ZKSCAN2: variants seen among roughly 807,000 people sequenced by gnomAD.
ZKSCAN2 encodes zinc finger protein with KRAB and SCAN domains 2.
In ZKSCAN2, 38 loss-of-function variants were observed where a neutral mutation model predicts 90.5. The observed-to-expected ratio is 0.42, with a 90% CI of 0.32 to 0.55. The LOEUF (loss-of-function observed/expected upper bound fraction) is 0.55. Among genes scored for constraint, ZKSCAN2 ranks in the 20% least tolerant of loss-of-function variants. ZKSCAN2 has a pLI of 0.11. For synonymous variants in ZKSCAN2, 429 were observed against 421.6 expected (o/e 1.02, Z -0.22); for missense variants, 1,167 against 1,202.6 (o/e 0.97, Z 0.44).
At chr16:25,248,132 A>G (rs1203375247) in intron 4 of ZKSCAN2, among the ~76,000 whole-genome samples, 1 of 152,112 alleles carries the variant, frequency 6.6e-6, no homozygotes, top group Non-Finnish European at 1.5e-5. Flanking sequence ...TAAGACCTGA[A>G]ACCATAAATC....
intron 2 of ZKSCAN2, among the ~76,000 whole-genome samples, chr16:25,254,990 G>T (rs771657683): frequency 4.0e-5 from 6 of 150,640 alleles, no homozygotes; most frequent in Non-Finnish European, 5.9e-5. Context: ...ATTTTGTAGA[G>T]ACTGGGTTTT....
In ZKSCAN2 at chr16:25,242,255, G is replaced by A. The variant is rs770175648; in HGVS notation, c.1982-1517C>T. Among the ~76,000 whole-genome samples the A allele has an allele frequency of 1.5e-3, 233 of 152,324 alleles. 3 individuals carry two copies. Among genetic ancestry groups the A allele is most frequent in the Non-Finnish European group, 5.9e-4 (40 of 68,040 alleles). ...CAACCTAGGAGTTGGCTCAGAGAAA[G>A]CTTGATAATTTGATGATAGGTTTGG... On this transcript the variant is annotated intron_variant, in intron 6 of 6. Transcript: ENST00000328086.
In ZKSCAN2 at chr16:25,256,642, G is replaced by C. The variant is rs895814663; in HGVS notation, c.399+87C>G. 2.1e-6 allele frequency: 3 copies of C among 1,423,890 alleles called. No individual in the cohort carries two copies. In the African/African-American group the frequency reaches 4.3e-5, roughly 20 times the overall value. 88.2% of individuals were successfully genotyped at this position (1,423,890 alleles called of 1,614,324 possible). On this transcript the variant is annotated intron_variant, in intron 1 of 6. Transcript: ENST00000328086. The stretch of plus-strand genomic sequence containing the variant: ...AGTACCATTTATCTTTCTCTGAAGA[G>C]CACGTCTTTCTGCAATACATCCCTG...
In ZKSCAN2 at chr16:25,236,687, G is replaced by T. The variant is rs1597636143; in HGVS notation, c.*3129C>A. ...CCAGGCTGCCCTGAGCCATTTACGTGTGAGGTTTCCCTTTTTAAAAAACTG... is the reference window on the plus strand; with the variant it reads ...CCAGGCTGCCCTGAGCCATTTACGTTTGAGGTTTCCCTTTTTAAAAAACTG... On this transcript the variant is annotated 3_prime_UTR_variant, in exon 7 of 7. Coordinates refer to ENST00000328086, the MANE Select transcript of ZKSCAN2 (RefSeq NM_001012981.5). 6.6e-6 allele frequency: 1 copy of T among 152,326 alleles called. No individual in the cohort carries two copies. Among genetic ancestry groups the T allele is most frequent in the Non-Finnish European group, 1.5e-5 (1 of 68,022 alleles). The allele number at this position is 152,326 out of a possible 1,614,324, so 9.4% of individuals were successfully genotyped here. A position where few individuals can be genotyped will look rare whatever the true frequency, so the allele number is the denominator to read the frequency against.
chr16:25,256,620 A>T lies in ZKSCAN2; in HGVS notation c.399+109T>A. On this transcript the variant is annotated intron_variant, in intron 1 of 6. Transcript: ENST00000328086. ...CCCCCTTATAGGGTCTTTTATTAGT[A>T]CCATTTATCTTTCTCTGAAGAGCAC... 3 of 1,260,666 alleles carry T rather than the reference A, an allele frequency of 2.4e-6. No homozygotes were observed. The South Asian group carries it at 4.4e-5, about 19-fold the overall frequency. The allele number at this position is 1,260,666 out of a possible 1,614,324, so 78.1% of individuals were successfully genotyped here. A position where few individuals can be genotyped will look rare whatever the true frequency, so the allele number is the denominator to read the frequency against.
Position 25,240,072 on chromosome 16 carries a change from C to T in ZKSCAN2, c.2648G>A (p.Gly883Glu). The T allele has an allele frequency of 6.2e-7, 1 of 1,613,978 alleles. No homozygotes were observed. Among genetic ancestry groups the T allele is most frequent in the Non-Finnish European group, 8.5e-7 (1 of 1,179,998 alleles). The change falls in exon 7 of 7, where the codon GGG (glycine) becomes GAG (glutamate). Residue 883 changes from glycine (G) to glutamate (E), a missense_variant. Transcript: ENST00000328086. ...HFSAHRRVHT[G>E]ENPYKCVDCE... ...GTCCACACATTTGTAGGGATTCTCC[C>T]CAGTGTGAACTCTCCGGTGGGCGCT...
chr16:25,255,085 A>G, intron 2 of ZKSCAN2, 121 bp downstream of exon 2: 1 of 1,023,038 alleles, frequency 9.8e-7, no homozygotes, highest in South Asian at 2.0e-5. Flanking sequence ...AGTGAATGAA[A>G]CCTTTCTCCT....
In ZKSCAN2 at chr16:25,255,325, T is replaced by C. The variant is rs1177571113; in HGVS notation, c.467A>G (p.Gln156Arg). 6.2e-7 allele frequency: 1 copy of C among 1,613,774 alleles called. No homozygotes were observed. Among genetic ancestry groups the C allele is most frequent in the African/African-American group, 1.3e-5 (1 of 75,044 alleles). Residue 156 changes from glutamine (Q) to arginine (R), a missense_variant, in exon 2 of 7, where the codon CAG (glutamine) becomes CGG (arginine). Transcript: ENST00000328086. ...LGAAWEVADF[Q>R]PEQVETQPRA... is the part of the protein sequence containing the mutation. The stretch of plus-strand genomic sequence containing the variant: ...GGGTTGGGTCTCCACCTGCTCTGGC[T>C]GGAAGTCTGCCACCTCCCACGCTGC...
chr16:25,252,929 AG>A lies in ZKSCAN2; in HGVS notation c.678+16del. 1 of 1,603,698 alleles carries A rather than the reference AG, an allele frequency of 6.2e-7. No individual in the cohort carries two copies. The highest frequency in any genetic ancestry group is 8.5e-7 in the Non-Finnish European group (1 of 1,170,698). On this transcript the variant is annotated intron_variant, in intron 3 of 6. Coordinates refer to ENST00000328086, the MANE Select transcript of ZKSCAN2 (RefSeq NM_001012981.5). ...TGAGACTCCATCTCAAAGAAAAAAA[AG>A]ACAATTACAATGTACCTGGGACCCA...
In ZKSCAN2 at chr16:25,257,044, C is replaced by T; in HGVS notation, c.84G>A (p.Glu28=). The change falls in exon 1 of 7, where the codon GAG becomes GAA. Residue 28 remains glutamate, a synonymous_variant. Coordinates refer to ENST00000328086, the MANE Select transcript of ZKSCAN2 (RefSeq NM_001012981.5). ...CTTCCAGAATGGGCTCTGATGCCCA[C>T]TCAGGGTCCTTTTCCACCTTCATTA... ...CLIMKVEKDP[E]WASEPILEGS... 1 of 1,614,174 alleles carries T rather than the reference C, an allele frequency of 6.2e-7. No homozygotes were observed. The highest frequency in any genetic ancestry group is 8.5e-7 in the Non-Finnish European group (1 of 1,180,024).
At position 25,237,428 on chromosome 16, in the gene ZKSCAN2, G is replaced by GA. The variant is rs1962786511; in HGVS notation, c.*2387dup. 6.6e-6 allele frequency: 1 copy of GA among 152,176 alleles called. No individual in the cohort carries two copies. The highest frequency in any genetic ancestry group is 1.5e-5 in the Non-Finnish European group (1 of 68,040). The allele number at this position is 152,176 out of a possible 1,614,324, so 9.4% of individuals were successfully genotyped here. On this transcript the variant is annotated 3_prime_UTR_variant, in exon 7 of 7. Transcript: ENST00000328086. ...CTCCCAGGCATATGAGAGTTAAACA[G>GA]AATCAGTTTGTCCCACTAGAGAGGG...
chr16:25,251,275 C>T (rs555326014), intron 4 of ZKSCAN2, among the ~76,000 whole-genome samples: 4 of 152,052 alleles, frequency 2.6e-5, no homozygotes, highest in East Asian at 1.9e-4. Flanking sequence ...TCCTGAGACA[C>T]GTCAAAGATG....
chr16:25,253,172 C>G lies in ZKSCAN2; in HGVS notation c.587-135G>C, dbSNP rs990757792. On this transcript the variant is annotated intron_variant, in intron 2 of 6. Coordinates refer to ENST00000328086, the MANE Select transcript of ZKSCAN2 (RefSeq NM_001012981.5). The stretch of plus-strand genomic sequence containing the variant: ...CACCATTTTATCTGTGAGTTCAGAA[C>G]AATCCCCAAAAACACAGTACCCTAA... The G allele has an allele frequency of 6.8e-6, 5 of 730,026 alleles. No homozygotes were observed. The Admixed American group carries it at 1.2e-4, about 17-fold the overall frequency. The allele number at this position is 730,026 out of a possible 1,614,324, so 45.2% of individuals were successfully genotyped here. A position where few individuals can be genotyped will look rare whatever the true frequency, so the allele number is the denominator to read the frequency against.
At position 25,239,468 on chromosome 16, in the gene ZKSCAN2, G is replaced by A. The variant is rs1004272933; in HGVS notation, c.*348C>T. 1.7e-4 allele frequency: 30 copies of A among 180,628 alleles called. No individual in the cohort carries two copies. Among genetic ancestry groups the A allele is most frequent in the Non-Finnish European group, 3.3e-4 (28 of 86,064 alleles). The allele number at this position is 180,628 out of a possible 1,614,324, so 11.2% of individuals were successfully genotyped here. A position where few individuals can be genotyped will look rare whatever the true frequency, so the allele number is the denominator to read the frequency against. ...AGGTAATAACAACAAAAAAACTTTT[G>A]GCATTTTTTATATCCTTGAAGACAA... On this transcript the variant is annotated 3_prime_UTR_variant, in exon 7 of 7. Coordinates refer to ENST00000328086, the MANE Select transcript of ZKSCAN2 (RefSeq NM_001012981.5).
intron 4 of ZKSCAN2, among the ~76,000 whole-genome samples, chr16:25,247,666 C>T (rs748183786): frequency 2.0e-5 from 3 of 152,196 alleles, no homozygotes; most frequent in Non-Finnish European, 4.4e-5. Context: ...CTTTGATTCT[C>T]TCTCAGTAGC....
chr16:25,246,720 A>C lies in ZKSCAN2; in HGVS notation c.1476T>G (p.Phe492Leu), dbSNP rs145658902. The C allele has an allele frequency of 4.9e-5, 79 of 1,614,194 alleles. 1 individual carries two copies. The East Asian group carries it at 7.4e-4, about 15-fold the overall frequency. The part of the protein sequence containing the change: ...KSEIHGAPVL[F>L]QNLSGVHWGY... ...CACAATTCTTACCACTGAGATTCTG[A>C]AACAAGACAGGGGCACCATGGATTT... is the stretch of plus-strand genomic sequence containing the variant. Residue 492 changes from phenylalanine (F) to leucine (L), a missense_variant, in exon 5 of 7, where the codon TTT (phenylalanine) becomes TTG (leucine). By Grantham distance (22) the Phe-to-Leu change is conservative (BLOSUM62 0). Transcript: ENST00000328086.
At chr16:25,245,787 AG>A (rs913800561) in intron 5 of ZKSCAN2, among the ~76,000 whole-genome samples, 1 of 151,122 alleles carries the variant, frequency 6.6e-6, no homozygotes, top group East Asian at 1.9e-4. Context: ...AAAAAAAAAA[AG>A]AATTTATCTC....
Position 25,256,800 on chromosome 16 carries a change from G to T in ZKSCAN2, c.328C>A (p.Pro110Thr). Residue 110 changes from proline (P) to threonine (T), a missense_variant, in exon 1 of 7, where the codon CCG becomes ACG. Coordinates refer to ENST00000328086, the MANE Select transcript of ZKSCAN2 (RefSeq NM_001012981.5). Reference protein sequence around the residue: ...KIQAWAQKQCPQSGEEAVALV... With the variant: ...KIQAWAQKQCTQSGEEAVALV... ...GCCACCGCTTCCTCTCCACTTTGCG[G>T]ACACTGCTTCTGTGCCCAAGCCTGA... 6.2e-7 allele frequency: 1 copy of T among 1,614,118 alleles called. No individual in the cohort carries two copies. The highest frequency in any genetic ancestry group is 8.5e-7 in the Non-Finnish European group (1 of 1,180,034).
Position 25,243,864 on chromosome 16 carries a change from G to GC in ZKSCAN2, c.1901dup (p.Cys634TrpfsTer3), listed in dbSNP as rs1567351185. On this transcript the variant is annotated frameshift_variant, in exon 6 of 7. Coordinates refer to ENST00000328086, the MANE Select transcript of ZKSCAN2 (RefSeq NM_001012981.5). LOFTEE classifies it high-confidence loss of function. ...TTTCCTCCTCGCTCATTCTCTCACTGCAAGAGTCTTCTATTACTGCCTCCT... is the reference window on the plus strand; with the variant it reads ...TTTCCTCCTCGCTCATTCTCTCACTGCCAAGAGTCTTCTATTACTGCCTCCT... 6.2e-7 allele frequency: 1 copy of GC among 1,614,038 alleles called. No individual in the cohort carries two copies.
Sources: allele counts gnomAD v4.1 joint callset (sites outside exome capture counted in the v4.1 genomes callset), GRCh38; gene constraint gnomAD v4.1.1; transcripts MANE v1.5; gene names NCBI Gene and HGNC (gene_info 2026-07-23, HGNC 2026-07-21).